HEATR5A: variants seen among roughly 807,000 people sequenced by gnomAD.
HEATR5A encodes the protein HEAT repeat containing 5A, also known as HEAT repeat-containing protein 5A.
Under a neutral mutation model 218.8 loss-of-function variants are expected in HEATR5A, and 178 were observed. That is an observed-to-expected ratio of 0.81 (90% CI 0.72 to 0.92). The LOEUF (loss-of-function observed/expected upper bound fraction) is 0.92, where lower values mean the gene tolerates loss of function less well. HEATR5A is among the 40% of genes least tolerant of loss of function. The pLI, the probability that HEATR5A is intolerant of heterozygous loss-of-function variation, is 0.00. For synonymous variants in HEATR5A, 864 were observed against 871.6 expected, an observed-to-expected ratio of 0.99 and a Z score of 0.15; for missense variants, 2,420 against 2,418.9, an observed-to-expected ratio of 1.00 and a Z score of -0.01.
intron 21 of HEATR5A, among the ~76,000 whole-genome samples, chr14:31,341,126 T>C (rs929977026): frequency 2.0e-5 from 3 of 152,206 alleles, no homozygotes; most frequent in Non-Finnish European, 4.4e-5. Context: ...ACTAAATTAA[T>C]ACACTATAGT....
At chr14:31,394,349 T>C (rs968078539) in intron 5 of HEATR5A, 123 bp from the exon 6 acceptor site, 9 of 509,978 alleles carry the variant, frequency 1.8e-5, no homozygotes, top group African/African-American at 1.6e-4. Context: ...GTATCTATTA[T>C]GATTACAGGA....
chr14:31,312,705 C>T, intron 28 of HEATR5A, among the ~76,000 whole-genome samples: 1 of 152,024 alleles, frequency 6.6e-6, no homozygotes, highest in Non-Finnish European at 1.5e-5. Flanking sequence ...TTGAGAACAG[C>T]CTGGCAACAA....
chr14:31,303,662 A>G (rs1262271913), intron 32 of HEATR5A, among the ~76,000 whole-genome samples: 3 of 152,180 alleles, frequency 2.0e-5, no homozygotes, highest in Non-Finnish European at 4.4e-5. Flanking sequence ...ACACATGCAT[A>G]TACACGAAAA....
intron 1 of HEATR5A, among the ~76,000 whole-genome samples, chr14:31,403,491 G>A (rs901312695): frequency 6.6e-6 from 1 of 152,142 alleles, no homozygotes; most frequent in African/African-American, 2.4e-5. Context: ...TGCCTAGCTA[G>A]GTACATGCCC....
At chr14:31,401,386 G>A (rs953952133) in intron 2 of HEATR5A, among the ~76,000 whole-genome samples, 5 of 152,032 alleles carry the variant, frequency 3.3e-5, no homozygotes, top group Admixed American at 6.6e-5. Context: ...CTTTCCCTTC[G>A]CCTTCTCCCA....
chr14:31,396,037 C>T (rs1840488111), intron 4 of HEATR5A, among the ~76,000 whole-genome samples: 1 of 152,094 alleles, frequency 6.6e-6, no homozygotes, highest in South Asian at 2.1e-4. Context: ...ACCACAGTGC[C>T]TGGCACACAG....
In HEATR5A at chr14:31,292,232, G is replaced by C. The variant is rs1204501530; in HGVS notation, c.*1073C>G. 6.6e-6 allele frequency: 1 copy of C among 152,098 alleles called. No homozygotes were observed. The highest frequency in any genetic ancestry group is 6.5e-5 in the Admixed American group (1 of 15,268). 9.4% of individuals were successfully genotyped at this position (152,098 alleles called of 1,614,324 possible). ...CCATAGTTGATCTAAATACAATGTA[G>C]ATATGAACCTAGGTTAAAACTCATT... is the stretch of plus-strand genomic sequence containing the variant. On this transcript the variant is annotated 3_prime_UTR_variant, in exon 36 of 36. Coordinates refer to ENST00000543095, the MANE Select transcript of HEATR5A (RefSeq NM_015473.4).
intron 10 of HEATR5A, among the ~76,000 whole-genome samples, chr14:31,382,683 T>A (rs1001716517): frequency 2.0e-5 from 3 of 151,812 alleles, no homozygotes; most frequent in Non-Finnish European, 4.4e-5. Flanking sequence ...TTTATTTGTC[T>A]GATTCTAAAT....
intron 4 of HEATR5A, among the ~76,000 whole-genome samples, chr14:31,398,287 A>G (rs1181677085): frequency 6.6e-6 from 1 of 152,106 alleles, no homozygotes; most frequent in Non-Finnish European, 1.5e-5. Context: ...TAGTACAGTA[A>G]CTCATCTATC....
intron 4 of HEATR5A, among the ~76,000 whole-genome samples, chr14:31,398,113 G>A (rs2030729240): frequency 6.6e-6 from 1 of 152,176 alleles, no homozygotes; most frequent in Non-Finnish European, 1.5e-5. Context: ...TGAAGAGACA[G>A]TCTCAAAAAC....
chr14:31,378,142 T>C (rs1229057753), intron 11 of HEATR5A, among the ~76,000 whole-genome samples: 3 of 152,224 alleles, frequency 2.0e-5, no homozygotes, highest in Non-Finnish European at 4.4e-5. Context: ...TGTGAAATGA[T>C]GATCTATGCT....
intron 34 of HEATR5A, 48 bp from the exon 35 acceptor site, chr14:31,294,152 A>T (rs1337859601): frequency 4.0e-6 from 5 of 1,246,372 alleles, no homozygotes. Context: ...ATAAATTTTT[A>T]AAAAGTCCCT....
Position 31,417,931 on chromosome 14 carries a change from C to G in HEATR5A, c.-75+2541G>C, listed in dbSNP as rs190309827. On this transcript the variant is annotated intron_variant, in intron 1 of 35. Coordinates refer to ENST00000543095, the MANE Select transcript of HEATR5A (RefSeq NM_015473.4). ...ATTAATAAGTAAAAGTGAGGCTGGG[C>G]GCAGTGGCTCATGACTGTAATATCC... Among the ~76,000 whole-genome samples, 17 of 152,174 alleles carry G rather than the reference C, an allele frequency of 1.1e-4. No individual in the cohort carries two copies. The East Asian group carries it at 3.3e-3, about 29-fold the overall frequency.
intron 29 of HEATR5A, among the ~76,000 whole-genome samples, chr14:31,308,282 CG>C (rs933851870): frequency 6.6e-6 from 1 of 151,856 alleles, no homozygotes; most frequent in Non-Finnish European, 1.5e-5. Flanking sequence ...CCAAGGTGGG[CG>C]GATCATCTGA....
intron 29 of HEATR5A, 74 bp downstream of exon 29, chr14:31,308,860 G>T: frequency 7.4e-7 from 1 of 1,344,782 alleles, no homozygotes; most frequent in Non-Finnish European, 1.0e-6. Flanking sequence ...GGGTGAAAGA[G>T]CAAAACTCCA....
chr14:31,419,173 T>C (rs2031556705), intron 1 of HEATR5A, among the ~76,000 whole-genome samples: 2 of 152,236 alleles, frequency 1.3e-5, no homozygotes, highest in South Asian at 4.1e-4. Context: ...TCCTATTCTA[T>C]AGTCATCTAG....
In HEATR5A at chr14:31,387,122, A is replaced by G. The variant is rs780812160; in HGVS notation, c.1187T>C (p.Met396Thr). The G allele has an allele frequency of 3.7e-6, 6 of 1,613,870 alleles. No homozygotes were observed. The Admixed American group carries it at 6.7e-5, about 18-fold the overall frequency. ...CQAIWKLKKVMDAVMSDGNLE... is the reference protein window; with the variant it reads ...CQAIWKLKKVTDAVMSDGNLE... The stretch of plus-strand genomic sequence containing the variant: ...ACTGTCTTAGTAGAGATCCATACCC[A>G]TAACTTTCTTTAGCTTCCAGATGGC... The change falls in exon 8 of 36, where the codon ATG (methionine) becomes ACG (threonine). Residue 396 changes from methionine to threonine, a missense_variant and splice_region_variant. Transcript: ENST00000543095.
chr14:31,393,621 T>C (rs2030537339), intron 6 of HEATR5A, among the ~76,000 whole-genome samples: 1 of 152,116 alleles, frequency 6.6e-6, no homozygotes, highest in East Asian at 1.9e-4. Flanking sequence ...TCAAATGAAA[T>C]CTCAGGACCT....
At chr14:31,342,041 A>T (rs1173564324) in intron 21 of HEATR5A, among the ~76,000 whole-genome samples, 3 of 152,126 alleles carry the variant, frequency 2.0e-5, no homozygotes, top group African/African-American at 7.2e-5. Context: ...CCAGATCTAA[A>T]AAAATACAGG....
Sources: allele counts gnomAD v4.1 joint callset (sites outside exome capture counted in the v4.1 genomes callset), GRCh38; gene constraint gnomAD v4.1.1; transcripts MANE v1.5; gene names NCBI Gene and HGNC (gene_info 2026-07-23, HGNC 2026-07-21).